The following EDA variants were observed in gnomAD, a reference collection of about 807,000 sequenced individuals.
EDA encodes ectodysplasin A.
EDA carries 2 observed loss-of-function variants against 23.6 expected under a neutral mutation model. That is an observed-to-expected ratio of 0.08 (90% CI 0.03 to 0.27). EDA has a LOEUF of 0.27. EDA is among the 10% of genes least tolerant of loss of function. The pLI is 1.00. For missense variants in EDA, 229 were observed against 324.2 expected (o/e 0.71, Z 2.26); for synonymous variants, 131 against 132.0 (o/e 0.99, Z 0.05).
At chrX:69,944,322 G>A (rs1002554505) in intron 1 of EDA, among the ~76,000 whole-genome samples, 17 of 111,909 alleles carry the variant, frequency 1.5e-4, no homozygotes, top group Admixed American at 6.6e-4. Context: ...CACAAGGCCC[G>A]TGTTGAGTAC....
intron 1 of EDA, among the ~76,000 whole-genome samples, chrX:69,653,345 A>G (rs1404380264): frequency 9.0e-6 from 1 of 111,583 alleles, no homozygotes; most frequent in Non-Finnish European, 1.9e-5. Flanking sequence ...GACTTTGCTG[A>G]AGTTGCTTAT....
At chrX:69,701,788 A>G (rs1335751551) in intron 1 of EDA, among the ~76,000 whole-genome samples, 2 of 110,527 alleles carry the variant, frequency 1.8e-5, no homozygotes, top group African/African-American at 6.6e-5. Flanking sequence ...TGCTTTATGG[A>G]CACCCTTTTT....
intron 1 of EDA, among the ~76,000 whole-genome samples, chrX:69,913,737 T>C (rs1318976043): frequency 8.9e-6 from 1 of 112,292 alleles, no homozygotes; most frequent in Non-Finnish European, 1.9e-5. Flanking sequence ...GCTTTCAACA[T>C]GCCTTTCTCA....
chrX:70,020,512 T>C (rs1280686711), intron 2 of EDA, among the ~76,000 whole-genome samples: 1 of 107,257 alleles, frequency 9.3e-6, no homozygotes, highest in Non-Finnish European at 1.9e-5. Context: ...TGAGCCAAGA[T>C]CGCACCACTA....
chrX:69,679,656 C>T (rs761739473), intron 1 of EDA, among the ~76,000 whole-genome samples: 7 of 111,484 alleles, frequency 6.3e-5, no homozygotes, highest in Admixed American at 5.7e-4. Context: ...TCTGTGGGAT[C>T]GGTGGTGATA....
chrX:69,671,232 G>A (rs1023269087), intron 1 of EDA, among the ~76,000 whole-genome samples: 1 of 111,685 alleles, frequency 9.0e-6, no homozygotes, highest in Non-Finnish European at 1.9e-5. Context: ...CTAGGCTACT[G>A]GAGTTTGTTG....
intron 1 of EDA, 180 bp downstream of exon 1, chrX:69,616,884 C>T: frequency 6.7e-6 from 4 of 598,388 alleles, no homozygotes; most frequent in Non-Finnish European, 7.8e-6. Flanking sequence ...GTCCCTGGCC[C>T]AGCTAATCCA....
chrX:69,881,178 C>T (rs984050065), intron 1 of EDA, among the ~76,000 whole-genome samples: 12 of 110,818 alleles, frequency 1.1e-4, no homozygotes, highest in African/African-American at 3.3e-4. Flanking sequence ...ACTAGCTTTC[C>T]GACATTTTTG....
chrX:69,695,337 AAT>A (rs778680592), intron 1 of EDA, among the ~76,000 whole-genome samples: 4 of 109,483 alleles, frequency 3.7e-5, no homozygotes, highest in Non-Finnish European at 7.6e-5. Flanking sequence ...AAAGAAGGAA[AAT>A]ATATATATAT....
At chrX:69,867,965 G>A (rs1282772168) in intron 1 of EDA, among the ~76,000 whole-genome samples, 1 of 111,785 alleles carries the variant, frequency 8.9e-6, no homozygotes, top group Non-Finnish European at 1.9e-5. Context: ...GGCAGTTCAG[G>A]TCTCATGGTG....
chrX:70,035,231 G>A (rs1299979617), intron 7 of EDA, 127 bp from the exon 8 acceptor site: 9 of 790,173 alleles, frequency 1.1e-5, no homozygotes, highest in Non-Finnish European at 1.6e-5. Context: ...GCCTTCACAT[G>A]GCACTGCCCC....
intron 1 of EDA, among the ~76,000 whole-genome samples, chrX:69,731,085 A>G (rs1438122436): frequency 8.9e-6 from 1 of 112,239 alleles, no homozygotes; most frequent in Non-Finnish European, 1.9e-5. Flanking sequence ...GAATGAGTTT[A>G]GTTATTTTGT....
rs146733414 is a variant in EDA at position 69,885,575 on chromosome X, G to T, written c.397-71452G>T. On this transcript the variant is annotated intron_variant, in intron 1 of 7. Coordinates refer to ENST00000374552, the MANE Select transcript of EDA (RefSeq NM_001399.5). ...TGCCATCAACAAGATCGTGAAACAG[G>T]ATGCTGTTCATATTTCTCCACAGCA... Among the ~76,000 whole-genome samples, 174 of 111,998 alleles carry T rather than the reference G, an allele frequency of 1.6e-3. 1 individual carries two copies. Among genetic ancestry groups the T allele is most frequent in the African/African-American group, 5.3e-3 (165 of 30,856 alleles).
intron 1 of EDA, among the ~76,000 whole-genome samples, chrX:69,947,542 C>T (rs1461213389): frequency 8.9e-6 from 1 of 112,178 alleles, no homozygotes; most frequent in East Asian, 2.8e-4. Flanking sequence ...GCCACCCCTG[C>T]TTATGGTTAT....
At chrX:70,022,085 A>T (rs934816669) in intron 2 of EDA, among the ~76,000 whole-genome samples, 1 of 111,065 alleles carries the variant, frequency 9.0e-6, no homozygotes, top group African/African-American at 3.3e-5. Flanking sequence ...GTATTTAAAG[A>T]AAGTCAAATC....
chrX:69,967,950 CA>C (rs2019197546), intron 2 of EDA, among the ~76,000 whole-genome samples: 1 of 111,279 alleles, frequency 9.0e-6, no homozygotes, highest in Non-Finnish European at 1.9e-5. Flanking sequence ...ATGATGAAAC[CA>C]GATGAGGAAT....
intron 1 of EDA, among the ~76,000 whole-genome samples, chrX:69,918,889 G>A (rs901275169): frequency 2.7e-5 from 3 of 111,211 alleles, no homozygotes; most frequent in Non-Finnish European, 5.7e-5. Flanking sequence ...TTGAGAAATG[G>A]CCACTGATGA....
chrX:69,748,761 C>T (rs2013705557), intron 1 of EDA, among the ~76,000 whole-genome samples: 1 of 110,972 alleles, frequency 9.0e-6, no homozygotes, highest in South Asian at 3.8e-4. Context: ...GCTTTTAAAT[C>T]TGTAAAATAA....
At chrX:69,697,611 G>C (rs973507516) in intron 1 of EDA, among the ~76,000 whole-genome samples, 2 of 111,783 alleles carry the variant, frequency 1.8e-5, no homozygotes, top group African/African-American at 6.5e-5. Context: ...TTGTCTGGTG[G>C]TTAACTGTAG....
Sources: allele counts gnomAD v4.1 joint callset (sites outside exome capture counted in the v4.1 genomes callset), GRCh38; gene constraint gnomAD v4.1.1; transcripts MANE v1.5; gene names NCBI Gene and HGNC (gene_info 2026-07-23, HGNC 2026-07-21).